RBL1: variants seen among roughly 807,000 people sequenced by gnomAD.
RBL1 encodes retinoblastoma-like protein 1.
RBL1 carries 82 observed loss-of-function variants against 123.0 expected under a neutral mutation model. The observed-to-expected ratio is 0.67, with a 90% CI of 0.56 to 0.80. The LOEUF (loss-of-function observed/expected upper bound fraction) is 0.80. Among genes scored for constraint, RBL1 ranks in the 30% least tolerant of loss-of-function variants. RBL1 has a pLI of 0.00. For synonymous variants in RBL1, 405 were observed against 441.3 expected, an observed-to-expected ratio of 0.92 and a Z score of 1.03; for missense variants, 1,171 against 1,299.6, an observed-to-expected ratio of 0.90 and a Z score of 1.52.
At position 37,000,939 on chromosome 20, in the gene RBL1, G is replaced by A. The variant is rs1161313659; in HGVS notation, c.3037-2010C>T. Among the ~76,000 whole-genome samples, 7 of 146,014 alleles carry A rather than the reference G, an allele frequency of 4.8e-5. No individual in the cohort carries two copies. The East Asian group carries it at 1.1e-3, about 22-fold the overall frequency. ...GCCCGGCCAGCCGCCCCATCCGGGAGGTGAGGGGCGCCTCTGCCCGGCCGC... is the reference window on the plus strand; with the variant it reads ...GCCCGGCCAGCCGCCCCATCCGGGAAGTGAGGGGCGCCTCTGCCCGGCCGC... On this transcript the variant is annotated intron_variant, in intron 21 of 21. Transcript: ENST00000373664.
At chr20:37,012,513 G>A (rs1216632396) in intron 19 of RBL1, among the ~76,000 whole-genome samples, 15 of 144,870 alleles carry the variant, frequency 1.0e-4, no homozygotes, top group African/African-American at 3.1e-4. Flanking sequence ...CCTCTGCCCC[G>A]CCGCCCCGTC....
intron 20 of RBL1, among the ~76,000 whole-genome samples, chr20:37,005,252 C>T (rs1026555245): frequency 2.6e-5 from 4 of 151,864 alleles, no homozygotes; most frequent in African/African-American, 4.8e-5. Context: ...ACTAAAAATA[C>T]GAAAATCAGC....
intron 16 of RBL1, among the ~76,000 whole-genome samples, chr20:37,027,183 CA>C (rs530944998): frequency 1.5e-3 from 206 of 141,246 alleles, no homozygotes; most frequent in Admixed American, 1.4e-3. Context: ...CCATTTCTAC[CA>C]AAAAAAAAAA....
chr20:37,000,632 G>A (rs1423702131), intron 21 of RBL1, among the ~76,000 whole-genome samples: 9 of 140,968 alleles, frequency 6.4e-5, no homozygotes, highest in Non-Finnish European at 1.1e-4. Context: ...CGCCACATCC[G>A]GGAGGTGAGG....
chr20:37,060,481 A>AT (rs2065076710), intron 9 of RBL1, among the ~76,000 whole-genome samples: 1 of 151,802 alleles, frequency 6.6e-6, no homozygotes. Context: ...ATTATATATA[A>AT]TTTTTTTTAA....
chr20:37,029,091 A>C (rs1051488244), intron 16 of RBL1, among the ~76,000 whole-genome samples: 18 of 152,184 alleles, frequency 1.2e-4, no homozygotes, highest in Non-Finnish European at 2.2e-4. Flanking sequence ...TAAAAGGACA[A>C]AGGGAAAATG....
At chr20:37,020,597 T>C in intron 18 of RBL1, 62 bp downstream of exon 18, 1 of 1,131,990 alleles carries the variant, frequency 8.8e-7, no homozygotes, top group Non-Finnish European at 1.3e-6. Context: ...ACCTTTTATA[T>C]AACTTGTCAG....
chr20:37,002,756 C>T (rs550934602), intron 21 of RBL1, among the ~76,000 whole-genome samples: 1 of 151,240 alleles, frequency 6.6e-6, no homozygotes, highest in Non-Finnish European at 1.5e-5. Context: ...CTCGTTCTGT[C>T]GCCCAGGCTG....
At chr20:37,069,438 T>C (rs1447764023) in intron 2 of RBL1, among the ~76,000 whole-genome samples, 5 of 145,374 alleles carry the variant, frequency 3.4e-5, no homozygotes, top group Admixed American at 3.4e-4. Context: ...GTGAGGAGCG[T>C]CTCTGCCCAG....
At chr20:37,058,313 C>T (rs1187304377) in intron 9 of RBL1, among the ~76,000 whole-genome samples, 31 of 151,476 alleles carry the variant, frequency 2.0e-4, no homozygotes, top group Non-Finnish European at 5.9e-5. Context: ...GTCAGGAGAT[C>T]GAGACCATCC....
intron 18 of RBL1, among the ~76,000 whole-genome samples, chr20:37,019,933 G>A (rs1913066969): frequency 6.6e-6 from 1 of 152,076 alleles, no homozygotes; most frequent in Non-Finnish European, 1.5e-5. Flanking sequence ...AATCAGAAAT[G>A]TTTAACATCT....
chr20:37,032,595 CTG>C (rs112107881), intron 16 of RBL1, 68 bp downstream of exon 16: 1 of 1,569,826 alleles, frequency 6.4e-7, no homozygotes, highest in African/African-American at 1.4e-5. Flanking sequence ...AGACCAAAGT[CTG>C]TCTCTGTTAC....
At position 37,020,703 on chromosome 20, in the gene RBL1, C is replaced by T; in HGVS notation, c.2587G>A (p.Glu863Lys). 6.3e-7 allele frequency: 1 copy of T among 1,587,966 alleles called. No homozygotes were observed. The highest frequency in any genetic ancestry group is 2.2e-5 in the East Asian group (1 of 44,628). Reference protein sequence around the residue: ...KVTKEERTFQEIMKSYRNQPQ... With the variant: ...KVTKEERTFQKIMKSYRNQPQ... ...TGATTCCTATAACTTTTCATAATTT[C>T]TTGAAAAGTTCTTTCTTCTTTTGTT... is the stretch of plus-strand genomic sequence containing the variant. Residue 863 changes from glutamate (E) to lysine (K), a missense_variant, in exon 18 of 22, where the codon GAA (glutamate) becomes AAA (lysine). Coordinates refer to ENST00000373664, the MANE Select transcript of RBL1 (RefSeq NM_002895.5).
rs1323654697 is a variant in RBL1, at chr20:37,000,750, G to A, written c.3037-1821C>T. Among the ~76,000 whole-genome samples, 8 of 132,128 alleles carry A rather than the reference G, an allele frequency of 6.1e-5. No individual in the cohort carries two copies. The East Asian group carries it at 1.2e-3, about 20-fold the overall frequency. The allele number at this position is 132,128 out of a possible 152,430, so 86.7% of individuals were successfully genotyped here. On this transcript the variant is annotated intron_variant, in intron 21 of 21. Transcript: ENST00000373664. ...AGGTCAGCCCCCCGCCCGGCCAGCC[G>A]CCCCGTCCAGGAGGGAGGCGGGGGG...
At chr20:37,041,153 A>G (rs1270205058) in intron 13 of RBL1, among the ~76,000 whole-genome samples, 1 of 152,186 alleles carries the variant, frequency 6.6e-6, no homozygotes, top group Non-Finnish European at 1.5e-5. Flanking sequence ...GAAAAATTCA[A>G]GAAGATTAAT....
chr20:37,090,154 C>T (rs376503124), intron 1 of RBL1, among the ~76,000 whole-genome samples: 9 of 152,302 alleles, frequency 5.9e-5, no homozygotes, highest in African/African-American at 1.4e-4. Context: ...CACATACTCA[C>T]CATTATAGTT....
At chr20:37,021,467 T>TA (rs1196570480) in intron 17 of RBL1, among the ~76,000 whole-genome samples, 1 of 151,426 alleles carries the variant, frequency 6.6e-6, no homozygotes, top group African/African-American at 2.4e-5. Flanking sequence ...TTTTTTGAGA[T>TA]AGAGTCTCAG....
chr20:37,064,131 TTTTC>T (rs1442586064), intron 7 of RBL1, among the ~76,000 whole-genome samples: 12 of 149,296 alleles, frequency 8.0e-5, no homozygotes, highest in East Asian at 7.8e-4. Context: ...CCTTAATTTC[TTTTC>T]TTTCTTTTTT....
chr20:37,026,800 C>T (rs763033124), intron 16 of RBL1, among the ~76,000 whole-genome samples: 11 of 149,778 alleles, frequency 7.3e-5, no homozygotes, highest in African/African-American at 2.0e-4. Flanking sequence ...GTCAGGAGAT[C>T]GAGACTGTTC....
Sources: allele counts gnomAD v4.1 joint callset (sites outside exome capture counted in the v4.1 genomes callset), GRCh38; gene constraint gnomAD v4.1.1; transcripts MANE v1.5; gene names NCBI Gene and HGNC (gene_info 2026-07-23, HGNC 2026-07-21).